SV2C: variants seen among roughly 807,000 people sequenced by gnomAD.
SV2C encodes solute carrier family 22 member B3.
A neutral mutation model predicts 79.7 loss-of-function variants in SV2C; 49 were observed. That is an observed-to-expected ratio of 0.61 (90% CI 0.49 to 0.78). The LOEUF is 0.78. Among genes scored for constraint, SV2C ranks in the 30% least tolerant of loss-of-function variants. SV2C has a pLI of 0.00. For missense variants in SV2C, 833 were observed against 912.9 expected (o/e 0.91, Z 1.13); for synonymous variants, 334 against 333.2 (o/e 1.00, Z -0.03).
chr5:75,943,550 A>G, the SV2C span, among the ~76,000 whole-genome samples: 2 of 152,134 alleles, frequency 1.3e-5, no homozygotes, highest in Admixed American at 1.3e-4. Context: ...CTTTTAATCT[A>G]TGAGCTCCCA....
chr5:76,110,712 C>T (rs1010913237), intron 1 of SV2C, among the ~76,000 whole-genome samples: 1 of 152,200 alleles, frequency 6.6e-6, no homozygotes, highest in Non-Finnish European at 1.5e-5. Flanking sequence ...CTCTGTTGTT[C>T]GCAATTTGTC....
intron 4 of SV2C, among the ~76,000 whole-genome samples, chr5:76,281,789 C>A (rs1397143363): frequency 6.6e-6 from 1 of 152,192 alleles, no homozygotes; most frequent in Non-Finnish European, 1.5e-5. Flanking sequence ...TTCCCTCAAC[C>A]CATCTCCCTT....
chr5:76,224,088 A>G (rs904417436), intron 4 of SV2C, among the ~76,000 whole-genome samples: 4 of 152,222 alleles, frequency 2.6e-5, no homozygotes, highest in Non-Finnish European at 5.9e-5. Context: ...TCTGAGAGAC[A>G]TAATTCAGTC....
intron 1 of SV2C, among the ~76,000 whole-genome samples, chr5:76,099,945 C>T (rs139876917): frequency 1.3e-5 from 2 of 152,248 alleles, no homozygotes; most frequent in East Asian, 3.9e-4. Context: ...TAAATTCTGG[C>T]TCTTATTTGA....
chr5:76,335,738 G>A (rs1214332303), downstream of SV2C, among the ~76,000 whole-genome samples: 2 of 152,116 alleles, frequency 1.3e-5, no homozygotes, highest in African/African-American at 2.4e-5. Flanking sequence ...AGGGTTGGGG[G>A]TAGGGTCACA....
At chr5:75,960,960 C>T in the SV2C span, among the ~76,000 whole-genome samples, 2 of 151,970 alleles carry the variant, frequency 1.3e-5, no homozygotes, top group Admixed American at 6.6e-5. Flanking sequence ...GTGAATTTAT[C>T]TGATTCCTAG....
At chr5:76,078,829 A>C, upstream of SV2C, 1 of 587,032 alleles carries the variant, frequency 1.7e-6, no homozygotes, top group Non-Finnish European at 3.4e-6. Context: ...ACAGAAACAC[A>C]AAAACAGCAT....
At chr5:76,044,967 GTTTTCATC>G in the SV2C span, among the ~76,000 whole-genome samples, 1 of 152,082 alleles carries the variant, frequency 6.6e-6, no homozygotes, top group Non-Finnish European at 1.5e-5. Context: ...TGCTTTTTAT[GTTTTCATC>G]ATGGAATCTT....
intron 4 of SV2C, among the ~76,000 whole-genome samples, chr5:76,237,991 C>CACACACACAT (rs771109241): frequency 1.7e-5 from 2 of 118,102 alleles, no homozygotes; most frequent in Non-Finnish European, 3.1e-5. Context: ...CACACACACA[C>CACACACACAT]ATACATACAT....
At chr5:76,257,064 T>C (rs1264397918) in intron 4 of SV2C, among the ~76,000 whole-genome samples, 1 of 147,050 alleles carries the variant, frequency 6.8e-6, no homozygotes, top group African/African-American at 2.4e-5. Flanking sequence ...ACTCTAGGCA[T>C]TTGCAGATTT....
chr5:76,241,934 A>C lies in SV2C; in HGVS notation c.913+32047A>C, dbSNP rs12652269. 3.1e-4 allele frequency: 237 copies of C among 761,080 alleles called. 1 individual carries two copies. In the East Asian group the frequency reaches 5.7e-3, roughly 18 times the overall value. 47.1% of individuals were successfully genotyped at this position (761,080 alleles called of 1,614,324 possible). A position where few individuals can be genotyped will look rare whatever the true frequency, so the allele number is the denominator to read the frequency against. On this transcript the variant is annotated intron_variant, in intron 4 of 12. Coordinates refer to ENST00000502798, the MANE Select transcript of SV2C (RefSeq NM_014979.4). The stretch of plus-strand genomic sequence containing the variant: ...AAAAAAAATAAAATAAAATAAAACA[A>C]AATTCTGCATTTTTATAAAACTTGA...
intron 2 of SV2C, among the ~76,000 whole-genome samples, chr5:76,190,999 T>G (rs1003305819): frequency 1.3e-5 from 2 of 152,294 alleles, no homozygotes; most frequent in South Asian, 4.1e-4. Flanking sequence ...ATTCTCACAC[T>G]GCTGTAAAGA....
Position 76,329,733 on chromosome 5 carries a change from G to T in SV2C, c.*4186G>T, listed in dbSNP as rs1043191009. ...TTCTCCAATTTTTTTTCTGTTTGAT[G>T]TCAAAATGGCCTTTACCTATTTCTT... On this transcript the variant is annotated 3_prime_UTR_variant, in exon 13 of 13. Coordinates refer to ENST00000502798, the MANE Select transcript of SV2C (RefSeq NM_014979.4). 3.3e-5 allele frequency: 5 copies of T among 152,090 alleles called. No individual in the cohort carries two copies. Among genetic ancestry groups the T allele is most frequent in the African/African-American group, 1.2e-4 (5 of 41,410 alleles). 9.4% of individuals were successfully genotyped at this position (152,090 alleles called of 1,614,324 possible).
chr5:76,209,212 T>A (rs1389768408), intron 3 of SV2C, among the ~76,000 whole-genome samples: 1 of 152,220 alleles, frequency 6.6e-6, no homozygotes, highest in Non-Finnish European at 1.5e-5. Context: ...TTTCAACTAA[T>A]GTTTGTCAAC....
chr5:76,339,521 T>G (rs541126005), intron 12 of SV2C, among the ~76,000 whole-genome samples: 18 of 152,138 alleles, frequency 1.2e-4, no homozygotes, highest in African/African-American at 4.3e-4. Flanking sequence ...GAGACCATCC[T>G]GGCTAACAAG....
chr5:76,252,183 G>A (rs184558929), intron 4 of SV2C, among the ~76,000 whole-genome samples: 35 of 152,232 alleles, frequency 2.3e-4, no homozygotes, highest in Admixed American at 9.2e-4. Context: ...ACAATGGTGC[G>A]ATCTTGGCTC....
the SV2C span, among the ~76,000 whole-genome samples, chr5:75,917,840 T>A: frequency 2.6e-5 from 4 of 152,258 alleles, no homozygotes; most frequent in South Asian, 8.3e-4. Context: ...TGTTTGTTAC[T>A]CAAAGGATAA....
chr5:76,348,315 C>T (rs1280311316), intron 12 of SV2C, among the ~76,000 whole-genome samples: 3 of 152,156 alleles, frequency 2.0e-5, no homozygotes, highest in African/African-American at 7.2e-5. Context: ...GGATGTACCA[C>T]GGTGCATCCA....
At chr5:75,984,514 T>C in the SV2C span, among the ~76,000 whole-genome samples, 1 of 151,946 alleles carries the variant, frequency 6.6e-6, no homozygotes, top group Non-Finnish European at 1.5e-5. Flanking sequence ...CAGGGTTCCA[T>C]GAGAAGTAAG....
Sources: allele counts gnomAD v4.1 joint callset (sites outside exome capture counted in the v4.1 genomes callset), GRCh38; gene constraint gnomAD v4.1.1; transcripts MANE v1.5; gene names NCBI Gene and HGNC (gene_info 2026-07-23, HGNC 2026-07-21).